Variants in MICAL3 observed in about 807,000 individuals in gnomAD.
MICAL3 encodes the protein microtubule associated monooxygenase, calponin and LIM domain containing 3.
Under a neutral mutation model 207.4 loss-of-function variants are expected in MICAL3, and 62 were observed. The ratio of observed to expected loss-of-function variants is 0.30; its 90% CI spans 0.24 to 0.37. The LOEUF is 0.37. Ranked by LOEUF, MICAL3 falls within the 10% of genes least tolerant of loss-of-function variation. The pLI is 1.00. For missense variants in MICAL3, 2,368 were observed against 2,635.6 expected, an observed-to-expected ratio of 0.90 and a Z score of 2.22; for synonymous variants, 1,077 against 1,069.3, an observed-to-expected ratio of 1.01 and a Z score of -0.14.
rs550116767 is a variant in MICAL3 at position 17,902,197 on chromosome 22, G to A, written c.590-218C>T. ...GCAGACTACTTGAGGCCAGGAGTTC[G>A]AGACCACCCTGGCCAGCATGGTGAA... is the stretch of plus-strand genomic sequence containing the variant. On this transcript the variant is annotated intron_variant, in intron 4 of 31. Transcript: ENST00000441493. The surrounding 1 kb of genome is among the most constrained non-coding windows in gnomAD (Gnocchi z 4.5). Among the ~76,000 whole-genome samples the A allele has an allele frequency of 6.6e-6, 1 of 152,260 alleles. No homozygotes were observed. The highest frequency in any genetic ancestry group is 2.4e-5 in the African/African-American group (1 of 41,554).
intron 15 of MICAL3, 36 bp from the exon 16 acceptor site, chr22:17,886,087 G>T: frequency 6.2e-7 from 1 of 1,608,720 alleles, no homozygotes; most frequent in South Asian, 1.1e-5. Context: ...CCGGCGCTGT[G>T]ACAGGAGGCT....
intron 1 of MICAL3, among the ~76,000 whole-genome samples, chr22:17,979,342 C>T (rs1166003624): frequency 6.6e-6 from 1 of 151,966 alleles, no homozygotes; most frequent in East Asian, 1.9e-4. Context: ...GTCAGGAGTT[C>T]GAGACCAGCC....
intron 23 of MICAL3, 29 bp from the exon 24 acceptor site, chr22:17,822,199 G>A (rs754145557): frequency 6.2e-7 from 1 of 1,607,764 alleles, no homozygotes; most frequent in Non-Finnish European, 8.5e-7. Context: ...AGAAGTGGGT[G>A]CACACCCTAA....
rs533884485 is a variant in MICAL3 at position 17,865,524 on chromosome 22, C to T, written c.2517+400G>A. ...GTGTGGGGAGTGAGGGTGGGGCCAC[C>T]GAGGGATCCTCCCAACAGTCTCCTC... On this transcript the variant is annotated intron_variant, in intron 18 of 31. Coordinates refer to ENST00000441493, the MANE Select transcript of MICAL3 (RefSeq NM_015241.3). Among the ~76,000 whole-genome samples, 9 of 152,326 alleles carry T rather than the reference C, an allele frequency of 5.9e-5. No individual in the cohort carries two copies. In the East Asian group the frequency reaches 7.7e-4, roughly 13 times the overall value.
rs562480113 is a variant in MICAL3, at chr22:17,829,416, G to A, written c.3056-1635C>T. Among the ~76,000 whole-genome samples the A allele has an allele frequency of 3.3e-5, 5 of 152,254 alleles. No individual in the cohort carries two copies. The South Asian group carries it at 8.3e-4, about 25-fold the overall frequency. On this transcript the variant is annotated intron_variant, in intron 21 of 31. Transcript: ENST00000441493. ...ACTCCCGATCTCAGGTGATCCACAC[G>A]CCTCGGCCTCCCAAAGTGCTGGGAT...
intron 1 of MICAL3, among the ~76,000 whole-genome samples, chr22:17,989,307 T>G (rs1229868541): frequency 6.6e-5 from 10 of 152,066 alleles, no homozygotes. Context: ...CTGGGAATGC[T>G]CCCAGCTCCC....
At chr22:17,930,186 C>A (rs1310872428) in intron 1 of MICAL3, among the ~76,000 whole-genome samples, 2 of 152,196 alleles carry the variant, frequency 1.3e-5, no homozygotes, top group African/African-American at 2.4e-5. Flanking sequence ...TAGGGAACAA[C>A]TGGAACTCTC....
At chr22:17,947,603 G>A (rs1934134712) in intron 1 of MICAL3, among the ~76,000 whole-genome samples, 1 of 152,176 alleles carries the variant, frequency 6.6e-6, no homozygotes, top group African/African-American at 2.4e-5. Flanking sequence ...TGTTGTCCAG[G>A]CTGGAGTGCA....
chr22:18,005,203 G>A (rs1923309405), intron 1 of MICAL3: 1 of 152,184 alleles, frequency 6.6e-6, no homozygotes, highest in Admixed American at 6.5e-5. Context: ...CTAAAGTGCT[G>A]GGGTTACAGG....
At chr22:17,941,094 G>A (rs763224973) in intron 1 of MICAL3, among the ~76,000 whole-genome samples, 8 of 152,110 alleles carry the variant, frequency 5.3e-5, no homozygotes, top group Admixed American at 1.3e-4. Context: ...CTTCCACTCC[G>A]TCTCAAACAC....
intron 17 of MICAL3, among the ~76,000 whole-genome samples, chr22:17,866,557 C>CA (rs948029529): frequency 6.6e-6 from 1 of 150,562 alleles, no homozygotes; most frequent in African/African-American, 2.5e-5. Context: ...CATTAGAAGA[C>CA]AAAAAATACT....
At position 17,872,930 on chromosome 22, in the gene MICAL3, CG is replaced by C. The variant is rs1927873357; in HGVS notation, c.2242-908del. ...AAAAAATACATAAATTAAGAAGACA[CG>C]GGGAAAAAAAGAAATCTTTGGGAAG... On this transcript the variant is annotated intron_variant, in intron 16 of 31. Coordinates refer to ENST00000441493, the MANE Select transcript of MICAL3 (RefSeq NM_015241.3). 7.1e-6 allele frequency: 7 copies of C among 985,030 alleles called. No homozygotes were observed. The Admixed American group carries it at 9.5e-5, about 13-fold the overall frequency. 61.0% of individuals were successfully genotyped at this position (985,030 alleles called of 1,614,324 possible).
intron 16 of MICAL3, among the ~76,000 whole-genome samples, chr22:17,881,917 C>T (rs1929470278): frequency 6.6e-6 from 1 of 152,204 alleles, no homozygotes; most frequent in Admixed American, 6.5e-5. Context: ...CCACCGTATT[C>T]CCTTCGAGAG....
chr22:17,986,386 A>AAC (rs1921015189), intron 1 of MICAL3, among the ~76,000 whole-genome samples: 1 of 152,108 alleles, frequency 6.6e-6, no homozygotes, highest in Non-Finnish European at 1.5e-5. Flanking sequence ...CAGGTGTGGT[A>AAC]ACACACGCCT....
intron 1 of MICAL3, among the ~76,000 whole-genome samples, chr22:18,002,967 T>C (rs1923138515): frequency 6.6e-6 from 1 of 151,988 alleles, no homozygotes; most frequent in Admixed American, 6.6e-5. Flanking sequence ...CCATCCTGGA[T>C]AACACGGTGA....
intron 1 of MICAL3, among the ~76,000 whole-genome samples, chr22:17,941,413 A>C (rs1419695851): frequency 6.6e-6 from 1 of 152,174 alleles, no homozygotes; most frequent in Non-Finnish European, 1.5e-5. Flanking sequence ...CTGGAAGAAA[A>C]GTGTCTGGGG....
intron 16 of MICAL3, chr22:17,872,717 A>C: frequency 1.5e-6 from 2 of 1,343,802 alleles, no homozygotes; most frequent in Non-Finnish European, 2.1e-6. Flanking sequence ...TGCTGGGTCT[A>C]GCTACACAGT....
rs78087551 is a variant in MICAL3 at position 17,956,011 on chromosome 22, C to A, written c.-74-49125G>T. 6.7e-3 allele frequency among the ~76,000 whole-genome samples: 1,019 copies of A among 152,312 alleles called. 11 individuals carry two copies. The highest frequency in any genetic ancestry group is 0.024 in the African/African-American group (979 of 41,568). On this transcript the variant is annotated intron_variant, in intron 1 of 31. Coordinates refer to ENST00000441493, the MANE Select transcript of MICAL3 (RefSeq NM_015241.3). The stretch of plus-strand genomic sequence containing the variant: ...CGGTGTTTATGAATGTTTATGAGCA[C>A]AAGGGAAGAAAATGTCCAGGAAGAG...
intron 29 of MICAL3, among the ~76,000 whole-genome samples, chr22:17,803,293 G>A (rs1443334124): frequency 1.3e-5 from 2 of 152,192 alleles, no homozygotes; most frequent in African/African-American, 4.8e-5. Context: ...CTGGCTTTGA[G>A]TTTGGTGACT....
Sources: gnomAD v4.1 joint callset for allele counts (sites outside exome capture counted in the v4.1 genomes callset) on GRCh38, gnomAD v4.1.1 for gene constraint, Gnocchi (gnomAD v3.1) non-coding constraint, MANE v1.5 for transcripts, NCBI Gene and HGNC (gene_info 2026-07-23, HGNC 2026-07-21) for gene names.